The following CCBE1 variants were observed in gnomAD, a reference collection of about 807,000 sequenced individuals.
CCBE1 encodes collagen and calcium binding EGF domains 1, also known as collagen and calcium-binding EGF domain-containing protein 1.
CCBE1 carries 37 observed loss-of-function variants against 50.0 expected under a neutral mutation model. That is an observed-to-expected ratio of 0.74 (90% CI 0.57 to 0.97). CCBE1 has a LOEUF of 0.97. Ranked by LOEUF, CCBE1 falls within the 50% of genes least tolerant of loss-of-function variation. CCBE1 has a pLI of 0.00. For synonymous variants in CCBE1, 234 were observed against 203.7 expected, an observed-to-expected ratio of 1.15 and a Z score of -1.27; for missense variants, 538 against 523.8, an observed-to-expected ratio of 1.03 and a Z score of -0.26.
At chr18:59,663,767 G>A (rs982819649) in intron 2 of CCBE1, among the ~76,000 whole-genome samples, 1 of 152,126 alleles carries the variant, frequency 6.6e-6, no homozygotes, top group East Asian at 1.9e-4. Flanking sequence ...TCCAATTCAT[G>A]AGACTGTCAT....
intron 2 of CCBE1, among the ~76,000 whole-genome samples, chr18:59,580,222 C>G (rs144022171): frequency 2.6e-5 from 4 of 152,278 alleles, no homozygotes; most frequent in African/African-American, 7.2e-5. Context: ...CATATCTGAT[C>G]GCCTCCTTTG....
chr18:59,449,722 C>A (rs2143655479), intron 6 of CCBE1, among the ~76,000 whole-genome samples: 1 of 152,170 alleles, frequency 6.6e-6, no homozygotes, highest in East Asian at 1.9e-4. Flanking sequence ...CCTTCCAAGT[C>A]TACAAAATGT....
At chr18:59,551,276 T>C (rs1400024339) in intron 2 of CCBE1, among the ~76,000 whole-genome samples, 4 of 152,176 alleles carry the variant, frequency 2.6e-5, no homozygotes, top group Non-Finnish European at 4.4e-5. Flanking sequence ...ATGGTAAGTA[T>C]TTGTGCAACA....
At chr18:59,547,827 G>T (rs570811705) in intron 2 of CCBE1, among the ~76,000 whole-genome samples, 4 of 152,286 alleles carry the variant, frequency 2.6e-5, no homozygotes, top group South Asian at 2.1e-4. Context: ...CACTAGGAAG[G>T]CTCTTCCTGC....
chr18:59,675,127 T>C (rs1035778410), intron 2 of CCBE1, among the ~76,000 whole-genome samples: 1 of 152,178 alleles, frequency 6.6e-6, no homozygotes, highest in African/African-American at 2.4e-5. Context: ...GATAACAGTA[T>C]TGAAGAAAGT....
At chr18:59,635,415 C>CTGAAATAAGGGAAAACTAAAA in intron 2 of CCBE1, among the ~76,000 whole-genome samples, 1 of 151,658 alleles carries the variant, frequency 6.6e-6, no homozygotes, top group African/African-American at 2.4e-5. Context: ...TAAGGGAAAA[C>CTGAAATAAGGGAAAACTAAAA]TGAAATAAGG....
chr18:59,657,556 C>CTCT (rs2054207640), intron 2 of CCBE1, among the ~76,000 whole-genome samples: 1 of 152,158 alleles, frequency 6.6e-6, no homozygotes, highest in Non-Finnish European at 1.5e-5. Context: ...GATGACACCA[C>CTCT]TCTTTAGGCT....
chr18:59,541,645 G>A (rs1360550417), intron 2 of CCBE1, among the ~76,000 whole-genome samples: 1 of 152,150 alleles, frequency 6.6e-6, no homozygotes, highest in African/African-American at 2.4e-5. Context: ...ACTGATAGCT[G>A]GAGCCATCCC....
chr18:59,555,109 T>C (rs959728271), intron 2 of CCBE1, among the ~76,000 whole-genome samples: 3 of 152,232 alleles, frequency 2.0e-5, no homozygotes, highest in Admixed American at 2.0e-4. Flanking sequence ...AACATGTAAA[T>C]TGAAAATGTG....
At chr18:59,551,023 A>AAAAG (rs1568201629) in intron 2 of CCBE1, among the ~76,000 whole-genome samples, 7 of 141,440 alleles carry the variant, frequency 4.9e-5, no homozygotes, top group African/African-American at 1.9e-4. Flanking sequence ...AAAAAAAAAA[A>AAAAG]AAAAAAGAAA....
At chr18:59,466,572 T>C (rs1911753879) in intron 5 of CCBE1, among the ~76,000 whole-genome samples, 167 bp downstream of exon 5, 4 of 151,412 alleles carry the variant, frequency 2.6e-5, no homozygotes, top group Admixed American at 2.6e-4. Flanking sequence ...ACATTAAACA[T>C]AATGTGGCAT....
intron 7 of CCBE1, 46 bp downstream of exon 7, chr18:59,447,936 GC>G (rs772201670): frequency 6.2e-7 from 1 of 1,612,722 alleles, no homozygotes; most frequent in Non-Finnish European, 8.5e-7. Context: ...CTTTTGGCAG[GC>G]TTTTTCTGTT....
rs1054672123 is a variant in CCBE1, at chr18:59,693,015, G to A, written c.212+3614C>T. Among the ~76,000 whole-genome samples the A allele has an allele frequency of 2.5e-3, 342 of 139,194 alleles. 1 individual carries two copies. The highest frequency in any genetic ancestry group is 0.011 in the East Asian group (49 of 4,590). 91.3% of individuals were successfully genotyped at this position (139,194 alleles called of 152,430 possible). A position where few individuals can be genotyped will look rare whatever the true frequency, so the allele number is the denominator to read the frequency against. ...ACACACACACACACAAACAAAAAACGCAAAGCCAAACCTATCTCATCTTGT... is the reference window on the plus strand; with the variant it reads ...ACACACACACACACAAACAAAAAACACAAAGCCAAACCTATCTCATCTTGT... On this transcript the variant is annotated intron_variant, in intron 2 of 10. Transcript: ENST00000439986.
intron 7 of CCBE1, among the ~76,000 whole-genome samples, chr18:59,447,648 T>C (rs1298522687): frequency 6.6e-6 from 1 of 152,224 alleles, no homozygotes; most frequent in Non-Finnish European, 1.5e-5. Flanking sequence ...TTCATAATAC[T>C]GTTCCATTTT....
At chr18:59,697,003 C>T (rs2054816261) in intron 1 of CCBE1, among the ~76,000 whole-genome samples, 1 of 152,176 alleles carries the variant, frequency 6.6e-6, no homozygotes, top group Non-Finnish European at 1.5e-5. Context: ...GTATCCCTGA[C>T]GCGACCCACG....
intron 2 of CCBE1, among the ~76,000 whole-genome samples, chr18:59,694,489 A>C (rs987426286): frequency 1.3e-5 from 2 of 152,222 alleles, no homozygotes; most frequent in Admixed American, 6.5e-5. Context: ...ATAGGTCTGC[A>C]TGCGTCCTGG....
chr18:59,612,515 A>G (rs2053584187), intron 2 of CCBE1, among the ~76,000 whole-genome samples: 1 of 152,102 alleles, frequency 6.6e-6, no homozygotes, highest in South Asian at 2.1e-4. Context: ...TCTTCCCTAG[A>G]AAGTAGAGGT....
intron 2 of CCBE1, among the ~76,000 whole-genome samples, chr18:59,494,128 G>A (rs1313553412): frequency 6.6e-6 from 1 of 152,186 alleles, no homozygotes; most frequent in African/African-American, 2.4e-5. Context: ...AGCAATACAA[G>A]CTTCGTAACA....
chr18:59,565,056 C>T (rs773582832), intron 2 of CCBE1, among the ~76,000 whole-genome samples: 37 of 152,242 alleles, frequency 2.4e-4, no homozygotes, highest in Admixed American at 5.2e-4. Context: ...AACACAAGCC[C>T]CTGAGGGAGA....
Sources: allele counts gnomAD v4.1 joint callset (sites outside exome capture counted in the v4.1 genomes callset), GRCh38; gene constraint gnomAD v4.1.1; transcripts MANE v1.5; gene names NCBI Gene and HGNC (gene_info 2026-07-23, HGNC 2026-07-21).